Variants in PIGG observed in about 807,000 individuals in gnomAD.
PIGG encodes phosphatidylinositol glycan anchor biosynthesis class G (EMM blood group).
Under a neutral mutation model 83.2 loss-of-function variants are expected in PIGG, and 70 were observed. The ratio of observed to expected loss-of-function variants is 0.84; its 90% CI spans 0.69 to 1.03. The LOEUF is 1.03. Among genes scored for constraint, PIGG ranks in the 50% least tolerant of loss-of-function variants. PIGG has a pLI of 0.00. For synonymous variants in PIGG, 532 were observed against 519.5 expected, an observed-to-expected ratio of 1.02 and a Z score of -0.33; for missense variants, 1,257 against 1,233.6, an observed-to-expected ratio of 1.02 and a Z score of -0.28.
At chr4:522,328 G>C (rs934770603) in intron 8 of PIGG, 7 of 446,564 alleles carry the variant, frequency 1.6e-5, no homozygotes, top group African/African-American at 1.2e-4. Context: ...AGAGACAATC[G>C]GCCTGGACAC....
intron 1 of PIGG, 88 bp from the exon 2 acceptor site, chr4:500,308 A>T (rs1553874845): frequency 2.2e-6 from 2 of 921,748 alleles, no homozygotes; most frequent in African/African-American, 1.6e-5. Context: ...TATGTGCTGG[A>T]GAAGTAGGTA....
intron 2 of PIGG, among the ~76,000 whole-genome samples, chr4:505,056 G>C (rs1237305498): frequency 1.3e-5 from 2 of 152,130 alleles, no homozygotes; most frequent in African/African-American, 2.4e-5. Flanking sequence ...GTCACGTGGA[G>C]ATTTGAATCT....
rs1730376211 is a variant in PIGG, at chr4:535,634, A to G, written c.2735+1653A>G. ...GGCTGGAGGGCTCCTACGTCCTCCCATGACTGAACCGTCGCTCTCGCGGTG... is the reference window on the plus strand; with the variant it reads ...GGCTGGAGGGCTCCTACGTCCTCCCGTGACTGAACCGTCGCTCTCGCGGTG... On this transcript the variant is annotated intron_variant, in intron 12 of 12. Transcript: ENST00000453061. 1.3e-5 allele frequency among the ~76,000 whole-genome samples: 2 copies of G among 152,120 alleles called. 1 individual carries two copies. The highest frequency in any genetic ancestry group is 4.1e-4 in the South Asian group (2 of 4,822).
In PIGG at chr4:521,042, T is replaced by C. The variant is rs1213077387; in HGVS notation, c.1115-14T>C. On this transcript the variant is annotated splice_polypyrimidine_tract_variant and intron_variant, in intron 6 of 12. Transcript: ENST00000453061. ...TGTGTGTGCGCGCCTGTAACCTTTC[T>C]GTCTTCTTAATAGATCCTGGGTTTG... 6.3e-7 allele frequency: 1 copy of C among 1,594,348 alleles called. No individual in the cohort carries two copies. Among genetic ancestry groups the C allele is most frequent in the South Asian group, 1.1e-5 (1 of 90,676 alleles).
At position 527,063 on chromosome 4, in the gene PIGG, TGTCC is replaced by T. The variant is rs747311612; in HGVS notation, c.2095_2098del (p.Val699TrpfsTer8). The T allele has an allele frequency of 2.5e-6, 4 of 1,614,186 alleles. No individual in the cohort carries two copies. The highest frequency in any genetic ancestry group is 3.4e-6 in the Non-Finnish European group (4 of 1,180,014). On this transcript the variant is annotated frameshift_variant, in exon 10 of 13. Transcript: ENST00000453061. LOFTEE classifies it high-confidence loss of function. ...GCTCTGACCACAAAGCCGAGCTCTC[TGTCC>T]TGGCTGCCCTCTCCCTCCTCGTAGT...
At chr4:530,293 A>C in intron 10 of PIGG, 143 bp from the exon 11 acceptor site, 9 of 620,710 alleles carry the variant, frequency 1.4e-5, no homozygotes, top group Non-Finnish European at 8.5e-6. Flanking sequence ...CCTGGGGGGT[A>C]GGGAGGGTGC....
intron 7 of PIGG, 100 bp downstream of exon 7, chr4:521,373 T>C (rs1314553423): frequency 1.3e-6 from 1 of 790,946 alleles, no homozygotes; most frequent in Non-Finnish European, 2.0e-6. Context: ...TTATTAAAAA[T>C]GGGAAAATAT....
chr4:512,699 C>T (rs1354357285), intron 5 of PIGG, among the ~76,000 whole-genome samples: 30 of 151,828 alleles, frequency 2.0e-4, no homozygotes, highest in Non-Finnish European at 3.5e-4. Context: ...CCTGTAATCC[C>T]AGCTACTCAG....
chr4:508,714 A>T, intron 4 of PIGG, 115 bp from the exon 5 acceptor site: 1 of 890,442 alleles, frequency 1.1e-6, no homozygotes, highest in Non-Finnish European at 1.8e-6. Context: ...AATCTAATTC[A>T]TTGAGAAAGA....
chr4:512,582 C>T (rs140360780), intron 5 of PIGG, among the ~76,000 whole-genome samples: 7,094 of 151,804 alleles, frequency 0.047, 533 homozygotes, highest in African/African-American at 0.16. Context: ...TTTGGGAGGC[C>T]AAGGCGGGTG....
chr4:521,590 G>C (rs1725898356), intron 7 of PIGG, 70 bp from the exon 8 acceptor site: 7 of 1,454,416 alleles, frequency 4.8e-6, no homozygotes, highest in South Asian at 3.7e-5. Flanking sequence ...GAGAGCGGGA[G>C]CTGGGCTTAT....
At chr4:503,572 C>A (rs1718525929) in intron 2 of PIGG, among the ~76,000 whole-genome samples, 1 of 152,202 alleles carries the variant, frequency 6.6e-6, no homozygotes, top group African/African-American at 2.4e-5. Context: ...CTCACCTCCA[C>A]AACTTTTCAA....
Position 513,654 on chromosome 4 carries a change from C to T in PIGG, c.902-2319C>T, listed in dbSNP as rs559427005. Reference sequence around the variant, plus strand: ...ATTTGTGGATTGAATGTTGAAGACTCAGCAGGCGAGCCAGTGGAGGTAGAG... The same window carrying T: ...ATTTGTGGATTGAATGTTGAAGACTTAGCAGGCGAGCCAGTGGAGGTAGAG... On this transcript the variant is annotated intron_variant, in intron 5 of 12. Coordinates refer to ENST00000453061, the MANE Select transcript of PIGG (RefSeq NM_001127178.3). Among the ~76,000 whole-genome samples, 22 of 152,312 alleles carry T rather than the reference C, an allele frequency of 1.4e-4. No individual in the cohort carries two copies. The South Asian group carries it at 1.7e-3, about 11-fold the overall frequency.
chr4:511,806 T>C (rs114814025), intron 5 of PIGG, among the ~76,000 whole-genome samples: 86 of 152,346 alleles, frequency 5.6e-4, no homozygotes, highest in African/African-American at 2.0e-3. Flanking sequence ...GAATTTTTTG[T>C]TTTAGAAAAT....
chr4:505,720 A>T lies in PIGG; in HGVS notation c.363A>T (p.Ala121=), dbSNP rs996271243. The change falls in exon 3 of 13, where the codon GCA becomes GCT. Residue 121 remains alanine, a splice_region_variant and synonymous_variant. Coordinates refer to ENST00000453061, the MANE Select transcript of PIGG (RefSeq NM_001127178.3). ...PPTVTMPRIK[A]LMTGSLPGFV... Reference sequence around the variant, plus strand: ...ATTCTTGCATTTTCTGACTGCAGGCATTGATGACGGGGAGCCTTCCTGGCT... The same window carrying T: ...ATTCTTGCATTTTCTGACTGCAGGCTTTGATGACGGGGAGCCTTCCTGGCT... The T allele has an allele frequency of 6.2e-7, 1 of 1,612,684 alleles. No homozygotes were observed. The highest frequency in any genetic ancestry group is 8.5e-7 in the Non-Finnish European group (1 of 1,179,204).
rs759957645 is a variant in PIGG, at chr4:533,845, G to T, written c.2599G>T (p.Asp867Tyr). ...CAACTCCAACAACATTGCCACCGTG[G>T]ACATCTCCGCAGGCTTCGTGGGCTT... ...QGNSNNIATV[D>Y]ISAGFVGLDT... is the part of the protein sequence containing the mutation. The change falls in exon 12 of 13, where the codon GAC becomes TAC. Residue 867 changes from aspartate to tyrosine, a missense_variant. Asp to Tyr is a radical substitution (Grantham distance 160). Transcript: ENST00000453061. The T allele has an allele frequency of 6.8e-6, 11 of 1,614,242 alleles. No homozygotes were observed. Among genetic ancestry groups the T allele is most frequent in the Non-Finnish European group, 8.5e-6 (10 of 1,180,044 alleles).
At chr4:526,698 G>A (rs76407167) in intron 9 of PIGG, among the ~76,000 whole-genome samples, 2,264 of 151,648 alleles carry the variant, frequency 0.015, 50 homozygotes, top group African/African-American at 0.048. Flanking sequence ...AATGAGAAGT[G>A]AGAGTTCAAG....
intron 11 of PIGG, 51 bp downstream of exon 11, chr4:530,796 A>C: frequency 8.0e-7 from 1 of 1,256,584 alleles, no homozygotes; most frequent in South Asian, 1.4e-5. Context: ...TTACATATTT[A>C]TTTTAAATTT....
At chr4:538,549 T>A (rs1372222313) in intron 12 of PIGG, among the ~76,000 whole-genome samples, 1 of 152,252 alleles carries the variant, frequency 6.6e-6, no homozygotes, top group East Asian at 1.9e-4. Flanking sequence ...ATATAATTTT[T>A]AAATAACTGC....
Sources: gnomAD v4.1 joint callset for allele counts (sites outside exome capture counted in the v4.1 genomes callset) on GRCh38, gnomAD v4.1.1 for gene constraint, MANE v1.5 for transcripts, NCBI Gene and HGNC (gene_info 2026-07-23, HGNC 2026-07-21) for gene names.